The following LRRIQ4 variants were observed in gnomAD, a reference collection of about 807,000 sequenced individuals.
The protein encoded by LRRIQ4 is leucine-rich repeat and IQ domain-containing protein 4.
In LRRIQ4, 21 loss-of-function variants were observed where a neutral mutation model predicts 40.1. The ratio of observed to expected loss-of-function variants is 0.52; its 90% CI spans 0.37 to 0.75. The LOEUF is 0.75. Ranked by LOEUF, LRRIQ4 falls within the 30% of genes least tolerant of loss-of-function variation. The pLI is 0.00. For synonymous variants in LRRIQ4, 277 were observed against 277.1 expected, an observed-to-expected ratio of 1.00 and a Z score of 0.00; for missense variants, 655 against 660.0, an observed-to-expected ratio of 0.99 and a Z score of 0.08.
chr3:169,822,877 C>A lies in LRRIQ4; in HGVS notation c.956C>A (p.Pro319Gln), dbSNP rs768956499. ...DLSQNHLHHC[P>Q]LQICALKNLE... The stretch of plus-strand genomic sequence containing the variant: ...AGCCAGAACCATCTGCACCACTGCC[C>A]GCTGCAGATCTGTGCACTGAAGAAC... The change falls in exon 2 of 6, where the codon CCG becomes CAG. Residue 319 changes from proline to glutamine, a missense_variant. By Grantham distance (76) the Pro-to-Gln change is moderately conservative. Transcript: ENST00000340806. 6.2e-7 allele frequency: 1 copy of A among 1,602,382 alleles called. No individual in the cohort carries two copies. Among genetic ancestry groups the A allele is most frequent in the Non-Finnish European group, 8.5e-7 (1 of 1,174,922 alleles).
intron 4 of LRRIQ4, 46 bp downstream of exon 4, chr3:169,830,676 G>C (rs369806478): frequency 5.0e-6 from 8 of 1,610,794 alleles, no homozygotes; most frequent in African/African-American, 1.3e-5. Flanking sequence ...TTTGTGGCCA[G>C]CATTTCCTAT....
In LRRIQ4 at chr3:169,828,952, C is replaced by A; in HGVS notation, c.1194+20C>A. On this transcript the variant is annotated intron_variant, in intron 3 of 5. Transcript: ENST00000340806. ...CTGCAGGTAAGCCTCCCCAAATGAG[C>A]AGGCTAAGAAGCACCTGTCACTGCC... is the stretch of plus-strand genomic sequence containing the variant. 1 of 1,593,188 alleles carries A rather than the reference C, an allele frequency of 6.3e-7. No individual in the cohort carries two copies. Among genetic ancestry groups the A allele is most frequent in the Non-Finnish European group, 8.5e-7 (1 of 1,172,262 alleles).
At chr3:169,823,365 C>T (rs1576763646) in intron 2 of LRRIQ4, among the ~76,000 whole-genome samples, 1 of 150,826 alleles carries the variant, frequency 6.6e-6, no homozygotes, top group East Asian at 1.9e-4. Flanking sequence ...TTCTCTTCCC[C>T]GAGACGGAGT....
At chr3:169,817,086 C>T (rs1176002020) in intron 1 of LRRIQ4, among the ~76,000 whole-genome samples, 1 of 152,090 alleles carries the variant, frequency 6.6e-6, no homozygotes, top group Non-Finnish European at 1.5e-5. Flanking sequence ...TATAAACATG[C>T]CTGTTAGTAC....
At chr3:169,816,355 G>A (rs1210653679) in intron 1 of LRRIQ4, among the ~76,000 whole-genome samples, 1 of 152,056 alleles carries the variant, frequency 6.6e-6, no homozygotes, top group Non-Finnish European at 1.5e-5. Context: ...TTGGTCTATT[G>A]AGGTTTCAGA....
At chr3:169,835,461 C>T (rs899463909) in intron 5 of LRRIQ4, among the ~76,000 whole-genome samples, 3 of 151,400 alleles carry the variant, frequency 2.0e-5, no homozygotes, top group South Asian at 2.1e-4. Flanking sequence ...AAGCTGTGCC[C>T]TTCCTCTGTG....
At chr3:169,828,504 G>A (rs1012504432) in intron 2 of LRRIQ4, among the ~76,000 whole-genome samples, 1 of 152,176 alleles carries the variant, frequency 6.6e-6, no homozygotes, top group Non-Finnish European at 1.5e-5. Flanking sequence ...AAAGTGCTGG[G>A]ATTAAAGGCA....
intron 2 of LRRIQ4, among the ~76,000 whole-genome samples, chr3:169,826,846 AAAATAAATAGGT>A (rs2108271077): frequency 6.6e-6 from 1 of 152,376 alleles, no homozygotes; most frequent in South Asian, 2.1e-4. Flanking sequence ...TCATCTAATT[AAAATAAATAGGT>A]AAATAAATAA....
At chr3:169,828,624 C>G (rs1234085347) in intron 2 of LRRIQ4, 135 bp from the exon 3 acceptor site, 1 of 687,026 alleles carries the variant, frequency 1.5e-6, no homozygotes, top group Non-Finnish European at 2.5e-6. Flanking sequence ...CAGATATGTG[C>G]ACAAATTTTT....
chr3:169,813,383 G>A (rs1238064088), intron 1 of LRRIQ4, among the ~76,000 whole-genome samples: 3 of 152,192 alleles, frequency 2.0e-5, no homozygotes, highest in African/African-American at 7.2e-5. Flanking sequence ...AATCATGGTG[G>A]GTGAGGGATC....
intron 2 of LRRIQ4, among the ~76,000 whole-genome samples, chr3:169,826,910 T>C (rs1230223345): frequency 6.6e-6 from 1 of 152,200 alleles, no homozygotes; most frequent in Non-Finnish European, 1.5e-5. Flanking sequence ...AATGAGTCCT[T>C]ACTCTACACA....
chr3:169,819,133 A>T (rs1401323658), intron 1 of LRRIQ4, among the ~76,000 whole-genome samples: 1 of 152,256 alleles, frequency 6.6e-6, no homozygotes, highest in Non-Finnish European at 1.5e-5. Flanking sequence ...AAATTTGATC[A>T]CATTTGTGTA....
At chr3:169,837,222 A>C (rs1780323004) in intron 5 of LRRIQ4, among the ~76,000 whole-genome samples, 1 of 152,244 alleles carries the variant, frequency 6.6e-6, no homozygotes, top group Admixed American at 6.5e-5. Flanking sequence ...AGCTCCATAA[A>C]GTTGAGACAG....
intron 5 of LRRIQ4, 79 bp from the exon 6 acceptor site, chr3:169,837,400 A>C: frequency 7.0e-7 from 1 of 1,434,810 alleles, no homozygotes; most frequent in Non-Finnish European, 9.4e-7. Flanking sequence ...AAGACCATGT[A>C]TCAGAATAAA....
intron 5 of LRRIQ4, among the ~76,000 whole-genome samples, chr3:169,835,284 T>C (rs2108187760): frequency 6.6e-6 from 1 of 152,268 alleles, no homozygotes; most frequent in Admixed American, 6.5e-5. Context: ...AGAAACCACC[T>C]GTCTTGCAAA....
chr3:169,818,502 A>G (rs1779809940), intron 1 of LRRIQ4, among the ~76,000 whole-genome samples: 1 of 152,184 alleles, frequency 6.6e-6, no homozygotes, highest in South Asian at 2.1e-4. Flanking sequence ...GAATTCTCTC[A>G]GCTATGACTC....
intron 5 of LRRIQ4, among the ~76,000 whole-genome samples, chr3:169,836,331 T>C (rs996273643): frequency 2.0e-5 from 3 of 152,106 alleles, no homozygotes; most frequent in African/African-American, 7.2e-5. Flanking sequence ...CAAAATACCA[T>C]AGAACAGGCG....
intron 2 of LRRIQ4, among the ~76,000 whole-genome samples, chr3:169,824,550 T>C (rs1160036912): frequency 1.3e-5 from 2 of 152,186 alleles, no homozygotes; most frequent in African/African-American, 4.8e-5. Context: ...ACTCACTCTG[T>C]CACCCAGGCT....
At chr3:169,826,846 A>G (rs773426193) in intron 2 of LRRIQ4, among the ~76,000 whole-genome samples, 1 of 152,258 alleles carries the variant, frequency 6.6e-6, no homozygotes, top group Non-Finnish European at 1.5e-5. Context: ...TCATCTAATT[A>G]AAATAAATAG....
Sources: gnomAD v4.1 joint callset for allele counts (sites outside exome capture counted in the v4.1 genomes callset) on GRCh38, gnomAD v4.1.1 for gene constraint, MANE v1.5 for transcripts, NCBI Gene and HGNC (gene_info 2026-07-23, HGNC 2026-07-21) for gene names.